Variants in PCDHGA9 observed in about 807,000 individuals in gnomAD.
The protein encoded by PCDHGA9 is protocadherin gamma-A9.
Under a neutral mutation model 62.5 loss-of-function variants are expected in PCDHGA9, and 37 were observed. That is an observed-to-expected ratio of 0.59 (90% CI 0.46 to 0.78). The LOEUF (loss-of-function observed/expected upper bound fraction) is 0.78, where lower values mean the gene tolerates loss of function less well. Ranked by LOEUF, PCDHGA9 falls within the 30% of genes least tolerant of loss-of-function variation. The pLI is 0.00. For synonymous variants in PCDHGA9, 459 were observed against 484.6 expected (o/e 0.95, Z 0.69); for missense variants, 1,138 against 1,166.2 (o/e 0.98, Z 0.35).
intron 1 of PCDHGA9, among the ~76,000 whole-genome samples, chr5:141,467,735 C>T (rs557555571): frequency 3.3e-5 from 5 of 152,182 alleles, no homozygotes; most frequent in East Asian, 3.9e-4. Flanking sequence ...AATCCCAGCT[C>T]GCTGCAACCT....
At chr5:141,457,280 A>T (rs964027392) in intron 1 of PCDHGA9, among the ~76,000 whole-genome samples, 1 of 152,196 alleles carries the variant, frequency 6.6e-6, no homozygotes, top group Non-Finnish European at 1.5e-5. Flanking sequence ...TGGGCCTACG[A>T]AGTTCCTTGG....
At chr5:141,414,409 A>AG in intron 1 of PCDHGA9, 1 of 1,613,870 alleles carries the variant, frequency 6.2e-7, no homozygotes. Flanking sequence ...GGTGATACAC[A>AG]GAGCCCTTGA....
At chr5:141,439,739 G>A (rs867225156) in intron 1 of PCDHGA9, 4 of 152,312 alleles carry the variant, frequency 2.6e-5, no homozygotes, top group Non-Finnish European at 5.9e-5. Flanking sequence ...GGAACGGAAC[G>A]GATTTACAGG....
At chr5:141,419,623 G>A in intron 1 of PCDHGA9, 1 of 1,612,328 alleles carries the variant, frequency 6.2e-7, no homozygotes, top group East Asian at 2.2e-5. Context: ...GCTACCTGGT[G>A]ACCAAGGTGG....
chr5:141,407,989 T>G, intron 1 of PCDHGA9: 1 of 833,618 alleles, frequency 1.2e-6, no homozygotes, highest in Non-Finnish European at 1.8e-6. Flanking sequence ...TCCGTCAGCC[T>G]CTGGCCTGGG....
chr5:141,430,795 G>T (rs918154748), intron 1 of PCDHGA9: 7 of 1,522,458 alleles, frequency 4.6e-6, no homozygotes, highest in Non-Finnish European at 6.2e-6. Flanking sequence ...ACTACAAAGG[G>T]CTTGTCCTGC....
chr5:141,407,959 G>T, intron 1 of PCDHGA9: 1 of 668,062 alleles, frequency 1.5e-6, no homozygotes, highest in South Asian at 2.3e-5. Flanking sequence ...CCAGTGCAGA[G>T]CAAGCGCTGA....
intron 1 of PCDHGA9, chr5:141,426,835 C>G (rs1038394702): frequency 6.6e-6 from 3 of 456,576 alleles, no homozygotes; most frequent in Non-Finnish European, 1.3e-5. Flanking sequence ...ATGGACAAGA[C>G]TAAAGGCAAG....
At position 141,487,116 on chromosome 5, in the gene PCDHGA9, A is replaced by G. The variant is rs749256818; in HGVS notation, c.2425-7691A>G. On this transcript the variant is annotated intron_variant, in intron 1 of 3. Transcript: ENST00000573521. This position sits in a 1 kb window ranked among gnomAD's most constrained non-coding sequence, Gnocchi z 5.0. ...CCACAGAAGCTGGTCATTGTGGTAA[A>G]GGATAGTGGTAGTCCACCACTCTCT... The G allele has an allele frequency of 3.1e-6, 5 of 1,614,022 alleles. No individual in the cohort carries two copies.
chr5:141,482,220 G>T (rs945741591), intron 1 of PCDHGA9, among the ~76,000 whole-genome samples: 8 of 152,148 alleles, frequency 5.3e-5, no homozygotes, highest in African/African-American at 1.9e-4. Flanking sequence ...ACTTGTTTTG[G>T]TGTGAAATTG....
chr5:141,473,479 G>A (rs1417960508), intron 1 of PCDHGA9, among the ~76,000 whole-genome samples: 1 of 152,118 alleles, frequency 6.6e-6, no homozygotes, highest in Non-Finnish European at 1.5e-5. Flanking sequence ...AAGTTCAATG[G>A]AAAAAATATA....
At chr5:141,422,375 T>G (rs2096644332) in intron 1 of PCDHGA9, 3 of 1,570,696 alleles carry the variant, frequency 1.9e-6, no homozygotes, top group Admixed American at 1.9e-5. Flanking sequence ...AATGGTCAAG[T>G]CTCCTGTTTT....
chr5:141,432,137 T>A lies in PCDHGA9; in HGVS notation c.2424+26761T>A. On this transcript the variant is annotated intron_variant, in intron 1 of 3. Coordinates refer to ENST00000573521, the MANE Select transcript of PCDHGA9 (RefSeq NM_018921.3). The surrounding 1 kb of genome is among the most constrained non-coding windows in gnomAD (Gnocchi z 6.0). ...CTTCCCTCAGGCCTCCTATTCCGCT[T>A]ATATCCCAGAGAACAATCCCAGAGG... 6.2e-7 allele frequency: 1 copy of A among 1,613,964 alleles called. No homozygotes were observed. Among genetic ancestry groups the A allele is most frequent in the Non-Finnish European group, 8.5e-7 (1 of 1,179,984 alleles).
intron 1 of PCDHGA9, chr5:141,426,612 G>A (rs2096947310): frequency 2.6e-6 from 1 of 384,602 alleles, no homozygotes; most frequent in Non-Finnish European, 5.3e-6. Flanking sequence ...GATTGTAGCA[G>A]AGAATCCTCT....
Position 141,491,094 on chromosome 5 carries a change from G to T in PCDHGA9, c.2425-3713G>T. ...TGCCACAGTCCACAGCCCCAGGACT[G>T]TTCCTCGTGTCTACACACACTGGTG... On this transcript the variant is annotated intron_variant, in intron 1 of 3. Transcript: ENST00000573521. This position sits in a 1 kb window ranked among gnomAD's most constrained non-coding sequence, Gnocchi z 6.9. The T allele has an allele frequency of 6.2e-7, 1 of 1,614,202 alleles. No homozygotes were observed. The highest frequency in any genetic ancestry group is 1.1e-5 in the South Asian group (1 of 91,086).
intron 3 of PCDHGA9, among the ~76,000 whole-genome samples, chr5:141,506,381 G>A (rs750584158): frequency 2.0e-5 from 3 of 151,216 alleles, no homozygotes; most frequent in Non-Finnish European, 4.4e-5. Context: ...CCTGGGAGGT[G>A]GCTGTGGTGA....
At chr5:141,428,882 T>C in intron 1 of PCDHGA9, 1 of 151,216 alleles carries the variant, frequency 6.6e-6, no homozygotes, top group African/African-American at 2.4e-5. Context: ...TTGGACGGAG[T>C]CTCGCTCTGT....
intron 1 of PCDHGA9, chr5:141,408,708 A>G (rs773303576): frequency 6.2e-6 from 10 of 1,612,888 alleles, no homozygotes; most frequent in Non-Finnish European, 8.5e-6. Flanking sequence ...TCAATTAAAG[A>G]TTATAAGATA....
chr5:141,405,203 C>T lies in PCDHGA9; in HGVS notation c.2251C>T (p.Gln751Ter). 2 of 1,613,520 alleles carry T rather than the reference C, an allele frequency of 1.2e-6. No homozygotes were observed. Among genetic ancestry groups the T allele is most frequent in the Non-Finnish European group, 1.7e-6 (2 of 1,179,788 alleles). The change falls in exon 1 of 4, where the codon CAG becomes TAG. Residue 751 changes from glutamine (Q) to a stop codon, truncating the protein, a stop_gained. Transcript: ENST00000573521. LOFTEE classifies it high-confidence loss of function. ...VGVDGVRAFL[Q>*]TYSQEFSLTA... ...TGTAGATGGGGTTCGAGCTTTCCTA[C>T]AGACCTATTCTCAGGAGTTCTCCCT...
Sources: allele counts gnomAD v4.1 joint callset (sites outside exome capture counted in the v4.1 genomes callset), GRCh38; gene constraint gnomAD v4.1.1; non-coding constraint Gnocchi (gnomAD v3.1); transcripts MANE v1.5; gene names NCBI Gene and HGNC (gene_info 2026-07-23, HGNC 2026-07-21).